ACVR2A: variants seen among roughly 807,000 people sequenced by gnomAD.
The protein encoded by ACVR2A is activin receptor type-2A.
Under a neutral mutation model 61.4 loss-of-function variants are expected in ACVR2A, and 7 were observed. The ratio of observed to expected loss-of-function variants is 0.11; its 90% CI spans 0.06 to 0.21. The LOEUF (loss-of-function observed/expected upper bound fraction) is 0.21, where lower values mean the gene tolerates loss of function less well. Ranked by LOEUF, ACVR2A falls within the 10% of genes least tolerant of loss-of-function variation. The pLI is 1.00. For missense variants in ACVR2A, 322 were observed against 621.7 expected, an observed-to-expected ratio of 0.52 and a Z score of 5.13; for synonymous variants, 193 against 208.3, an observed-to-expected ratio of 0.93 and a Z score of 0.63.
At chr2:147,924,773 G>A (rs1460331940) in intron 9 of ACVR2A, among the ~76,000 whole-genome samples, 1 of 151,868 alleles carries the variant, frequency 6.6e-6, no homozygotes, top group African/African-American at 2.4e-5. Context: ...TAGGAATCTT[G>A]TTAAAATTTA....
intron 5 of ACVR2A, among the ~76,000 whole-genome samples, chr2:147,915,895 C>G (rs928395522): frequency 6.6e-6 from 1 of 151,794 alleles, no homozygotes; most frequent in Non-Finnish European, 1.5e-5. Context: ...TAATGTACCT[C>G]TGAGCTATTC....
intron 1 of ACVR2A, among the ~76,000 whole-genome samples, chr2:147,883,987 C>G (rs2105174488): frequency 1.3e-5 from 2 of 152,196 alleles, no homozygotes; most frequent in Middle Eastern, 6.8e-3. Flanking sequence ...TAAACAAACC[C>G]TTAATGTAGG....
chr2:147,847,951 A>C (rs1268581837), intron 1 of ACVR2A, among the ~76,000 whole-genome samples: 1 of 152,248 alleles, frequency 6.6e-6, no homozygotes, highest in African/African-American at 2.4e-5. Context: ...TTTGAGTTGC[A>C]TAGAAGTAAG....
At chr2:147,905,966 T>G (rs1362542710) in intron 4 of ACVR2A, among the ~76,000 whole-genome samples, 1 of 152,192 alleles carries the variant, frequency 6.6e-6, no homozygotes, top group African/African-American at 2.4e-5. Context: ...CTGTTTAAAT[T>G]TTGAAATCTT....
chr2:147,920,859 C>A (rs750689964), intron 8 of ACVR2A, among the ~76,000 whole-genome samples: 8 of 151,934 alleles, frequency 5.3e-5, no homozygotes, highest in Non-Finnish European at 1.2e-4. Flanking sequence ...ACTTGTAAAC[C>A]CCTGAATTAG....
intron 1 of ACVR2A, among the ~76,000 whole-genome samples, chr2:147,850,532 T>C (rs527883282): frequency 1.3e-5 from 2 of 152,286 alleles, no homozygotes; most frequent in South Asian, 4.1e-4. Flanking sequence ...CATCTCTGTT[T>C]AAGCCAAAAT....
rs1033440528 is a variant in ACVR2A at position 147,930,270 on chromosome 2, C to T, written c.*2996C>T. ...TTTCCTCACCCCTAAGTAACAGCTA[C>T]ATTTAAGTAAAATGCAGGTGGTAGG... On this transcript the variant is annotated 3_prime_UTR_variant, in exon 11 of 11. Coordinates refer to ENST00000241416, the MANE Select transcript of ACVR2A (RefSeq NM_001616.5). The T allele has an allele frequency of 2.0e-5, 3 of 150,944 alleles. No individual in the cohort carries two copies. The highest frequency in any genetic ancestry group is 7.3e-5 in the African/African-American group (3 of 40,936). The allele number at this position is 150,944 out of a possible 1,614,324, so 9.4% of individuals were successfully genotyped here.
chr2:147,845,229 CG>C (rs773104327), intron 1 of ACVR2A, 22 bp downstream of exon 1: 2 of 1,606,712 alleles, frequency 1.2e-6, no homozygotes, highest in Admixed American at 3.4e-5. Flanking sequence ...GAGCGCGGCG[CG>C]GTGGGGCTGC....
intron 1 of ACVR2A, among the ~76,000 whole-genome samples, chr2:147,868,572 G>A (rs1027362140): frequency 1.3e-4 from 20 of 150,236 alleles, no homozygotes; most frequent in East Asian, 3.9e-4. Context: ...TCTGTTCCCT[G>A]CCCCCCCCAA....
Position 147,899,460 on chromosome 2 carries a change from C to T in ACVR2A, c.266C>T (p.Thr89Ile). ...ATTTTTTCTCTGCTTATTTATAGGACTGATTGTGTAGAAAAAAAAGACAGC... is the reference window on the plus strand; with the variant it reads ...ATTTTTTCTCTGCTTATTTATAGGATTGATTGTGTAGAAAAAAAAGACAGC... ...WLDDINCYDR[T>I]DCVEKKDSPE... The change falls in exon 3 of 11, where the codon ACT becomes ATT. Residue 89 changes from threonine (T) to isoleucine (I), a missense_variant and splice_region_variant. This residue lies in a region of ACVR2A where 142 missense variants were observed against 200.3 expected (regional missense o/e 0.71). Coordinates refer to ENST00000241416, the MANE Select transcript of ACVR2A (RefSeq NM_001616.5). The T allele has an allele frequency of 6.2e-7, 1 of 1,606,004 alleles. No homozygotes were observed. The highest frequency in any genetic ancestry group is 8.5e-7 in the Non-Finnish European group (1 of 1,174,894).
At chr2:147,855,067 GA>G (rs1426025147) in intron 1 of ACVR2A, among the ~76,000 whole-genome samples, 2 of 152,116 alleles carry the variant, frequency 1.3e-5, no homozygotes, top group African/African-American at 2.4e-5. Flanking sequence ...TTTTGGTAGA[GA>G]GGGGGTTTAA....
chr2:147,923,657 C>T lies in ACVR2A; in HGVS notation c.1216+546C>T, dbSNP rs537628698. On this transcript the variant is annotated intron_variant, in intron 9 of 10. Coordinates refer to ENST00000241416, the MANE Select transcript of ACVR2A (RefSeq NM_001616.5). ...AGACGATATTTCCAGTGTGACAGAACTATTTTAGTGTTTCAAGCACTGTCT... is the reference window on the plus strand; with the variant it reads ...AGACGATATTTCCAGTGTGACAGAATTATTTTAGTGTTTCAAGCACTGTCT... Among the ~76,000 whole-genome samples, 7 of 152,130 alleles carry T rather than the reference C, an allele frequency of 4.6e-5. No individual in the cohort carries two copies. In the East Asian group the frequency reaches 9.7e-4, roughly 21 times the overall value.
intron 9 of ACVR2A, among the ~76,000 whole-genome samples, chr2:147,923,490 A>C (rs867053973): frequency 2.6e-5 from 4 of 152,112 alleles, no homozygotes; most frequent in Admixed American, 1.3e-4. Flanking sequence ...TGATCCAGAC[A>C]TAGGGAGAGG....
At chr2:147,918,375 AAAAAG>A (rs1202751196) in intron 6 of ACVR2A, 67 bp from the exon 7 acceptor site, 2 of 1,357,584 alleles carry the variant, frequency 1.5e-6, no homozygotes, top group Non-Finnish European at 2.0e-6. Context: ...TCTTATAGGT[AAAAAG>A]AAAAGTCTCC....
Position 147,927,321 on chromosome 2 carries a change from G to T in ACVR2A, c.*47G>T, listed in dbSNP as rs745374659. The T allele has an allele frequency of 2.0e-6, 3 of 1,526,510 alleles. No homozygotes were observed. The highest frequency in any genetic ancestry group is 1.4e-5 in the African/African-American group (1 of 70,684). 94.6% of individuals were successfully genotyped at this position (1,526,510 alleles called of 1,614,324 possible). A position where few individuals can be genotyped will look rare whatever the true frequency, so the allele number is the denominator to read the frequency against. On this transcript the variant is annotated 3_prime_UTR_variant, in exon 11 of 11. Transcript: ENST00000241416. ...CTAAGAAATGGGACTCTGAACTGGA[G>T]CTGCTAAGCTAAAGAAACTGCTTAC... is the stretch of plus-strand genomic sequence containing the variant.
At chr2:147,865,241 T>G (rs1685823968) in intron 1 of ACVR2A, among the ~76,000 whole-genome samples, 1 of 152,190 alleles carries the variant, frequency 6.6e-6, no homozygotes, top group Non-Finnish European at 1.5e-5. Flanking sequence ...TATGAAAGTC[T>G]TCCTTTTTCC....
chr2:147,867,866 C>T (rs985008025), intron 1 of ACVR2A, among the ~76,000 whole-genome samples: 1 of 152,132 alleles, frequency 6.6e-6, no homozygotes, highest in African/African-American at 2.4e-5. Flanking sequence ...CACTAGAAGA[C>T]TTCTGATCTT....
chr2:147,885,079 C>T (rs1284172234), intron 1 of ACVR2A, among the ~76,000 whole-genome samples: 1 of 152,092 alleles, frequency 6.6e-6, no homozygotes, highest in Non-Finnish European at 1.5e-5. Context: ...ATTTTCTCTG[C>T]AAAGCCCTCT....
intron 1 of ACVR2A, among the ~76,000 whole-genome samples, chr2:147,879,740 G>A (rs1480265873): frequency 6.6e-6 from 1 of 152,182 alleles, no homozygotes; most frequent in Non-Finnish European, 1.5e-5. Context: ...AGTTGGGGTA[G>A]TGACTTGATT....
Sources: gnomAD v4.1 joint callset for allele counts (sites outside exome capture counted in the v4.1 genomes callset) on GRCh38, gnomAD v4.1.1 for gene constraint, gnomAD v4.1.1 regional missense constraint, MANE v1.5 for transcripts, NCBI Gene and HGNC (gene_info 2026-07-23, HGNC 2026-07-21) for gene names.